SCAPER: variants seen among roughly 807,000 people sequenced by gnomAD.
SCAPER encodes the protein S phase cyclin A-associated protein in the endoplasmic reticulum.
A neutral mutation model predicts 182.2 loss-of-function variants in SCAPER; 98 were observed. The observed-to-expected ratio is 0.54, with a 90% CI of 0.46 to 0.64. The LOEUF (loss-of-function observed/expected upper bound fraction) is 0.64. Among genes scored for constraint, SCAPER ranks in the 30% least tolerant of loss-of-function variants. The pLI is 0.00. For synonymous variants in SCAPER, 605 were observed against 564.6 expected, an observed-to-expected ratio of 1.07 and a Z score of -1.01; for missense variants, 1,432 against 1,690.0, an observed-to-expected ratio of 0.85 and a Z score of 2.68.
At chr15:76,854,830 G>A (rs1183590959) in intron 4 of SCAPER, among the ~76,000 whole-genome samples, 1 of 148,594 alleles carries the variant, frequency 6.7e-6, no homozygotes, top group Non-Finnish European at 1.5e-5. Context: ...AAATTAGCCA[G>A]GCATGGTTGC....
At chr15:76,721,574 C>T (rs2060245111) in intron 17 of SCAPER, among the ~76,000 whole-genome samples, 1 of 152,030 alleles carries the variant, frequency 6.6e-6, no homozygotes, top group African/African-American at 2.4e-5. Flanking sequence ...AATGTTCTTC[C>T]ATTTGTTTGT....
chr15:76,382,590 A>G (rs995033672), intron 27 of SCAPER, among the ~76,000 whole-genome samples: 4 of 152,116 alleles, frequency 2.6e-5, no homozygotes, highest in African/African-American at 7.2e-5. Flanking sequence ...TTTTAAACAG[A>G]AACTGTACAA....
chr15:76,403,966 C>T (rs2044644561), intron 27 of SCAPER, among the ~76,000 whole-genome samples: 1 of 152,100 alleles, frequency 6.6e-6, no homozygotes, highest in African/African-American at 2.4e-5. Context: ...GCCAACCAGG[C>T]CAGTAGTAGT....
chr15:76,676,142 T>C (rs1567769684), intron 20 of SCAPER, among the ~76,000 whole-genome samples: 1 of 152,156 alleles, frequency 6.6e-6, no homozygotes, highest in Non-Finnish European at 1.5e-5. Flanking sequence ...GGTTTCTTAA[T>C]TTCTTCTTCT....
intron 22 of SCAPER, among the ~76,000 whole-genome samples, chr15:76,591,528 C>T (rs2049107814): frequency 6.6e-6 from 1 of 152,130 alleles, no homozygotes; most frequent in Admixed American, 6.5e-5. Flanking sequence ...GAGGTGCAAT[C>T]ATGGCTCACT....
intron 21 of SCAPER, among the ~76,000 whole-genome samples, chr15:76,624,654 T>C (rs1399724557): frequency 6.6e-6 from 1 of 152,148 alleles, no homozygotes; most frequent in Non-Finnish European, 1.5e-5. Flanking sequence ...TGATTTATAG[T>C]AGGGTTGTTA....
chr15:76,399,401 G>A (rs1388768337), intron 27 of SCAPER, among the ~76,000 whole-genome samples: 1 of 152,144 alleles, frequency 6.6e-6, no homozygotes, highest in East Asian at 1.9e-4. Flanking sequence ...GCCTCCCAAA[G>A]TGCTGGGATT....
chr15:76,507,322 C>T (rs182007515), intron 23 of SCAPER, among the ~76,000 whole-genome samples: 65 of 152,180 alleles, frequency 4.3e-4, no homozygotes, highest in African/African-American at 1.5e-3. Flanking sequence ...AGAAACCAAA[C>T]CTGTTGACAC....
chr15:76,558,005 G>T (rs2046320233), intron 23 of SCAPER, among the ~76,000 whole-genome samples: 1 of 152,058 alleles, frequency 6.6e-6, no homozygotes, highest in African/African-American at 2.4e-5. Context: ...AATTCAAAAT[G>T]GATTAAAGAC....
intron 29 of SCAPER, among the ~76,000 whole-genome samples, chr15:76,358,842 G>C (rs959703388): frequency 7.9e-5 from 12 of 152,228 alleles, no homozygotes; most frequent in Non-Finnish European, 1.0e-4. Context: ...GTGCACTTCA[G>C]AGTCAGTTGA....
At chr15:76,833,801 G>C (rs1225123687) in intron 5 of SCAPER, among the ~76,000 whole-genome samples, 1 of 152,128 alleles carries the variant, frequency 6.6e-6, no homozygotes, top group African/African-American at 2.4e-5. Flanking sequence ...AATTCAACAA[G>C]AAGATTTAAC....
At chr15:76,799,350 A>G (rs1015481301) in intron 7 of SCAPER, among the ~76,000 whole-genome samples, 5 of 146,000 alleles carry the variant, frequency 3.4e-5, no homozygotes, top group Non-Finnish European at 6.0e-5. Context: ...CAGTGGCGTG[A>G]TATTGGCTCA....
intron 20 of SCAPER, among the ~76,000 whole-genome samples, chr15:76,688,086 A>G (rs2058133179): frequency 1.3e-5 from 2 of 152,152 alleles, no homozygotes; most frequent in South Asian, 4.1e-4. Context: ...ATTTCTCCAC[A>G]TCCTCTCCAA....
At chr15:76,617,239 T>C (rs1440446624) in intron 22 of SCAPER, among the ~76,000 whole-genome samples, 1 of 152,202 alleles carries the variant, frequency 6.6e-6, no homozygotes, top group African/African-American at 2.4e-5. Flanking sequence ...ATTTCCTCTG[T>C]TTTCTTCTAG....
At chr15:76,771,254 T>TATA (rs1471686242) in intron 10 of SCAPER, among the ~76,000 whole-genome samples, 3 of 152,196 alleles carry the variant, frequency 2.0e-5, no homozygotes, top group Non-Finnish European at 4.4e-5. Flanking sequence ...ACCATAAATC[T>TATA]ATAAATAATC....
At chr15:76,902,098 T>G (rs1024652555) in intron 1 of SCAPER, among the ~76,000 whole-genome samples, 3 of 152,036 alleles carry the variant, frequency 2.0e-5, no homozygotes, top group African/African-American at 7.2e-5. Flanking sequence ...CCATAGCCAA[T>G]CAGTGAAAGC....
chr15:76,657,807 A>C (rs2055793626), intron 21 of SCAPER, among the ~76,000 whole-genome samples: 1 of 152,126 alleles, frequency 6.6e-6, no homozygotes, highest in Non-Finnish European at 1.5e-5. Flanking sequence ...AAAACTAAAA[A>C]CAAAAATCAT....
intron 15 of SCAPER, among the ~76,000 whole-genome samples, chr15:76,752,664 C>T (rs2062163190): frequency 6.6e-6 from 1 of 151,624 alleles, no homozygotes; most frequent in Non-Finnish European, 1.5e-5. Context: ...ACAAGAGGTA[C>T]TTACAGTAGT....
chr15:76,643,212 T>G (rs538803624), intron 21 of SCAPER, among the ~76,000 whole-genome samples: 17 of 152,334 alleles, frequency 1.1e-4, no homozygotes, highest in African/African-American at 3.8e-4. Flanking sequence ...TATTTCAGAT[T>G]AGTTTCTCCA....
Sources: allele counts gnomAD v4.1 joint callset (sites outside exome capture counted in the v4.1 genomes callset), GRCh38; gene constraint gnomAD v4.1.1; transcripts MANE v1.5; gene names NCBI Gene and HGNC (gene_info 2026-07-23, HGNC 2026-07-21).